Variants in SOX5 observed in about 807,000 individuals in gnomAD.
SOX5 encodes transcription factor SOX-5.
In SOX5, 9 loss-of-function variants were observed where a neutral mutation model predicts 92.0. The ratio of observed to expected loss-of-function variants is 0.10; its 90% CI spans 0.06 to 0.17. The LOEUF (loss-of-function observed/expected upper bound fraction) is 0.17. Ranked by LOEUF, SOX5 falls within the 10% of genes least tolerant of loss-of-function variation. The pLI is 1.00. For synonymous variants in SOX5, 344 were observed against 336.3 expected (o/e 1.02, Z -0.25); for missense variants, 642 against 944.5 (o/e 0.68, Z 4.20).
At chr12:23,593,186 A>G (rs1401672194) in intron 9 of SOX5, among the ~76,000 whole-genome samples, 2 of 152,222 alleles carry the variant, frequency 1.3e-5, no homozygotes, top group Non-Finnish European at 2.9e-5. Context: ...TTTACAATAC[A>G]TAAGACAAGG....
intron 5 of SOX5, among the ~76,000 whole-genome samples, chr12:23,739,407 C>G (rs1424615261): frequency 6.6e-6 from 1 of 152,072 alleles, no homozygotes; most frequent in African/African-American, 2.4e-5. Flanking sequence ...ACCATAGAAG[C>G]CTTACTCTTC....
chr12:23,716,614 T>G (rs1008706321), intron 6 of SOX5, among the ~76,000 whole-genome samples: 1 of 152,118 alleles, frequency 6.6e-6, no homozygotes. Flanking sequence ...AAGTTCAGAG[T>G]GCTAAGAGGA....
chr12:24,511,712 A>G (rs999024848), intron 1 of SOX5, among the ~76,000 whole-genome samples: 1 of 152,084 alleles, frequency 6.6e-6, no homozygotes, highest in Non-Finnish European at 1.5e-5. Context: ...TAATCCCAGC[A>G]CTTTGGGAGG....
chr12:24,547,043 C>T (rs979601565), intron 1 of SOX5, among the ~76,000 whole-genome samples: 1 of 151,656 alleles, frequency 6.6e-6, no homozygotes, highest in South Asian at 2.1e-4. Flanking sequence ...AACTGTATTA[C>T]TAAACTGATT....
At chr12:24,208,470 C>T (rs762324484) in intron 4 of SOX5, among the ~76,000 whole-genome samples, 1 of 152,198 alleles carries the variant, frequency 6.6e-6, no homozygotes, top group Non-Finnish European at 1.5e-5. Flanking sequence ...CCAAGAGGAA[C>T]ATAAGACACC....
chr12:24,451,557 C>T (rs1942307072), intron 1 of SOX5, among the ~76,000 whole-genome samples: 2 of 152,138 alleles, frequency 1.3e-5, no homozygotes, highest in South Asian at 4.1e-4. Context: ...CGATGTTGAA[C>T]ACCTTTTCAT....
intron 1 of SOX5, among the ~76,000 whole-genome samples, chr12:24,525,115 A>G (rs1283627367): frequency 6.6e-6 from 1 of 152,240 alleles, no homozygotes; most frequent in Non-Finnish European, 1.5e-5. Context: ...CTGTGGTACT[A>G]TTCACAATAG....
chr12:24,001,391 C>T (rs922392903), intron 4 of SOX5, among the ~76,000 whole-genome samples: 50 of 151,928 alleles, frequency 3.3e-4, no homozygotes, highest in African/African-American at 1.2e-3. Context: ...CAAAACCAGC[C>T]TAAATTAGAT....
chr12:24,200,205 G>T (rs1957382595), intron 4 of SOX5, among the ~76,000 whole-genome samples: 1 of 152,140 alleles, frequency 6.6e-6, no homozygotes, highest in African/African-American at 2.4e-5. Context: ...TACTTTTTCT[G>T]GCTCTGTCAC....
intron 6 of SOX5, among the ~76,000 whole-genome samples, chr12:23,691,902 T>C (rs115684751): frequency 0.013 from 1,918 of 152,194 alleles, 29 homozygotes; most frequent in African/African-American, 0.043. Context: ...TAGTTTTTTG[T>C]TGTTGTTGTC....
intron 8 of SOX5, among the ~76,000 whole-genome samples, chr12:23,640,520 C>T (rs542680090): frequency 2.6e-5 from 4 of 152,216 alleles, no homozygotes; most frequent in South Asian, 4.1e-4. Context: ...TTGATAAGGA[C>T]CATACTGTGA....
intron 3 of SOX5, among the ~76,000 whole-genome samples, chr12:23,773,702 C>T (rs757411217): frequency 2.2e-4 from 34 of 151,184 alleles, no homozygotes; most frequent in Middle Eastern, 3.4e-3. Flanking sequence ...TAAAACTTGT[C>T]GCTGATTTCT....
intron 1 of SOX5, among the ~76,000 whole-genome samples, chr12:24,537,067 G>C (rs1049914652): frequency 6.6e-6 from 1 of 152,048 alleles, no homozygotes; most frequent in Non-Finnish European, 1.5e-5. Flanking sequence ...AAAATAAATA[G>C]ACATGACTGA....
intron 1 of SOX5, among the ~76,000 whole-genome samples, chr12:24,527,368 G>C (rs1345260821): frequency 6.6e-6 from 1 of 152,208 alleles, no homozygotes; most frequent in Non-Finnish European, 1.5e-5. Context: ...AAGAGAGAGA[G>C]AGGTGATGAA....
chr12:23,560,866 A>G (rs929528695), intron 11 of SOX5, among the ~76,000 whole-genome samples: 2 of 152,218 alleles, frequency 1.3e-5, no homozygotes, highest in African/African-American at 2.4e-5. Context: ...AAGAGTTTCA[A>G]TAATCTCAAT....
At chr12:24,429,658 A>G (rs994234678) in intron 1 of SOX5, among the ~76,000 whole-genome samples, 1 of 151,616 alleles carries the variant, frequency 6.6e-6, no homozygotes, top group Non-Finnish European at 1.5e-5. Flanking sequence ...ACACCCCATG[A>G]GCACAAAGCC....
chr12:24,113,209 G>C (rs1947578943), intron 4 of SOX5, among the ~76,000 whole-genome samples: 1 of 146,124 alleles, frequency 6.8e-6, no homozygotes, highest in Non-Finnish European at 1.5e-5. Context: ...GTCTACCCTG[G>C]AAGAGAAATG....
chr12:23,812,345 G>A (rs948415272), intron 3 of SOX5, among the ~76,000 whole-genome samples: 1 of 152,044 alleles, frequency 6.6e-6, no homozygotes, highest in African/African-American at 2.4e-5. Context: ...AGTTATGACT[G>A]TGTTATAGAC....
intron 1 of SOX5, among the ~76,000 whole-genome samples, chr12:24,471,857 G>GA (rs537758108): frequency 0.062 from 8,847 of 142,100 alleles, 301 homozygotes; most frequent in African/African-American, 0.097. Context: ...TTAGTCAGTT[G>GA]AAAAAAAAAA....
Sources: allele counts gnomAD v4.1 joint callset (sites outside exome capture counted in the v4.1 genomes callset), GRCh38; gene constraint gnomAD v4.1.1; transcripts MANE v1.5; gene names NCBI Gene and HGNC (gene_info 2026-07-23, HGNC 2026-07-21).